LARS1: variants seen among roughly 807,000 people sequenced by gnomAD.
LARS1 encodes leucine--tRNA ligase, cytoplasmic.
Under a neutral mutation model 162.8 loss-of-function variants are expected in LARS1, and 100 were observed. The observed-to-expected ratio is 0.61, with a 90% CI of 0.52 to 0.73. The LOEUF (loss-of-function observed/expected upper bound fraction) is 0.73, where lower values mean the gene tolerates loss of function less well. Ranked by LOEUF, LARS1 falls within the 30% of genes least tolerant of loss-of-function variation. The pLI is 0.00. For synonymous variants in LARS1, 457 were observed against 462.8 expected, an observed-to-expected ratio of 0.99 and a Z score of 0.16; for missense variants, 1,258 against 1,408.9, an observed-to-expected ratio of 0.89 and a Z score of 1.71.
intron 28 of LARS1, among the ~76,000 whole-genome samples, chr5:146,124,541 A>C (rs1347715015): frequency 6.6e-6 from 1 of 151,916 alleles, no homozygotes; most frequent in Non-Finnish European, 1.5e-5. Flanking sequence ...TAATATCCAA[A>C]CAAAAAATCC....
At chr5:146,153,266 CT>C in intron 12 of LARS1, 39 bp from the exon 13 acceptor site, 1 of 1,368,418 alleles carries the variant, frequency 7.3e-7, no homozygotes, top group Non-Finnish European at 1.0e-6. Context: ...ATGATCAACA[CT>C]TTACTGGGAG....
chr5:146,176,426 T>C (rs1053508551), intron 2 of LARS1, among the ~76,000 whole-genome samples: 1 of 132,836 alleles, frequency 7.5e-6, no homozygotes, highest in African/African-American at 2.9e-5. Flanking sequence ...CACTCCAGCC[T>C]GATGACAGAG....
At chr5:146,159,554 CT>C in intron 7 of LARS1, 84 bp from the exon 8 acceptor site, 1 of 975,696 alleles carries the variant, frequency 1.0e-6, no homozygotes, top group Non-Finnish European at 1.6e-6. Flanking sequence ...CACCTAATTT[CT>C]TACATGTCTT....
intron 29 of LARS1, among the ~76,000 whole-genome samples, chr5:146,123,382 C>T (rs1020929477): frequency 4.6e-5 from 7 of 151,696 alleles, no homozygotes; most frequent in East Asian, 1.9e-4. Flanking sequence ...ATGGGGAGAA[C>T]GTCACAGATA....
intron 30 of LARS1, among the ~76,000 whole-genome samples, chr5:146,120,936 A>G (rs886409162): frequency 6.6e-6 from 1 of 152,206 alleles, no homozygotes; most frequent in Admixed American, 6.5e-5. Flanking sequence ...TGGCAAGGTC[A>G]AGATTCAACA....
chr5:146,130,171 AAATTATTTACC>A lies in LARS1; in HGVS notation c.2488-24_2488-14del. 1 of 1,610,960 alleles carries A rather than the reference AAATTATTTACC, an allele frequency of 6.2e-7. No homozygotes were observed. Among genetic ancestry groups the A allele is most frequent in the Non-Finnish European group, 8.5e-7 (1 of 1,178,782 alleles). On this transcript the variant is annotated splice_polypyrimidine_tract_variant and intron_variant, in intron 24 of 31. Coordinates refer to ENST00000394434, the MANE Select transcript of LARS1 (RefSeq NM_020117.11). ...TATCTTTTGCGGCCTATAAAATTTGAAATTATTTACCATTTCCCTCACCTTCTTTAAAATAA... is the reference window on the plus strand; with the variant it reads ...TATCTTTTGCGGCCTATAAAATTTGAATTTCCCTCACCTTCTTTAAAATAA...
chr5:146,130,920 T>C (rs1752247704), intron 24 of LARS1, 99 bp downstream of exon 24: 7 of 581,872 alleles, frequency 1.2e-5, no homozygotes, highest in East Asian at 1.2e-4. Flanking sequence ...GTCTACACTT[T>C]AGGCGAGTAA....
chr5:146,174,590 A>ATATG (rs1491066904), intron 2 of LARS1, among the ~76,000 whole-genome samples: 2 of 1,624 alleles, frequency 1.2e-3, no homozygotes, highest in Non-Finnish European at 5.1e-3. Flanking sequence ...ATATATCCAT[A>ATATG]TATATATATA....
chr5:146,117,900 C>T (rs918712233), intron 31 of LARS1, among the ~76,000 whole-genome samples: 1 of 152,130 alleles, frequency 6.6e-6, no homozygotes, highest in African/African-American at 2.4e-5. Flanking sequence ...GGAAGTAGAA[C>T]AGTGTGGTGC....
rs1754438238 is a variant in LARS1 at position 146,174,506 on chromosome 5, A to ATG, written c.126-1733_126-1732insCA. Among the ~76,000 whole-genome samples, 5 of 28,922 alleles carry ATG rather than the reference A, an allele frequency of 1.7e-4. No individual in the cohort carries two copies. In the South Asian group the frequency reaches 4.0e-3, roughly 23 times the overall value. 19.0% of individuals were successfully genotyped at this position (28,922 alleles called of 152,430 possible). ...TATCCATATATATATATATCCATAT[A>ATG]TATATATATATATCCATATATATAT... is the stretch of plus-strand genomic sequence containing the variant. On this transcript the variant is annotated intron_variant, in intron 2 of 31. Coordinates refer to ENST00000394434, the MANE Select transcript of LARS1 (RefSeq NM_020117.11).
chr5:146,154,726 C>G (rs1283140212), intron 10 of LARS1, among the ~76,000 whole-genome samples: 1 of 152,034 alleles, frequency 6.6e-6, no homozygotes, highest in Non-Finnish European at 1.5e-5. Flanking sequence ...TGTAGTGAGC[C>G]AAGATCGTGC....
At chr5:146,120,203 CCA>C (rs1401618513) in intron 31 of LARS1, 166 bp downstream of exon 31, 6 of 697,898 alleles carry the variant, frequency 8.6e-6, no homozygotes, top group African/African-American at 1.8e-5. Flanking sequence ...AGCTACCTAG[CCA>C]CAGAGTCCCA....
chr5:146,173,369 TA>T (rs1754364023), intron 2 of LARS1, among the ~76,000 whole-genome samples: 1 of 151,800 alleles, frequency 6.6e-6, no homozygotes, highest in African/African-American at 2.4e-5. Context: ...AAAAATTCTT[TA>T]ATACCCTTAT....
chr5:146,139,847 T>A (rs1205480636), intron 21 of LARS1: 1 of 145,658 alleles, frequency 6.9e-6, no homozygotes, highest in South Asian at 1.5e-4. Flanking sequence ...TGCACTCCAG[T>A]GTGGGAGACA....
At chr5:146,143,111 T>TTTTATATA in intron 19 of LARS1, 27 bp from the exon 20 acceptor site, 2 of 1,081,364 alleles carry the variant, frequency 1.8e-6, no homozygotes, top group Non-Finnish European at 2.6e-6. Flanking sequence ...ACAAACTATT[T>TTTTATATA]TATATATATA....
At chr5:146,156,498 A>T (rs569752520) in intron 10 of LARS1, among the ~76,000 whole-genome samples, 1 of 152,254 alleles carries the variant, frequency 6.6e-6, no homozygotes. Context: ...GTTCAAGACC[A>T]GCCTGGCCAA....
intron 8 of LARS1, 138 bp from the exon 9 acceptor site, chr5:146,157,933 C>G (rs907925367): frequency 5.2e-6 from 4 of 769,802 alleles, no homozygotes; most frequent in African/African-American, 3.5e-5. Flanking sequence ...GAAGAGATTG[C>G]CAGTGGTGTG....
chr5:146,170,476 A>AC (rs1754211707), intron 4 of LARS1, among the ~76,000 whole-genome samples: 1 of 151,996 alleles, frequency 6.6e-6, no homozygotes, highest in Non-Finnish European at 1.5e-5. Flanking sequence ...TCTCAAAAAA[A>AC]AAAAAGGGGG....
At chr5:146,149,509 A>G in intron 15 of LARS1, 113 bp downstream of exon 15, 1 of 762,940 alleles carries the variant, frequency 1.3e-6, no homozygotes. Context: ...GCAAAACTGT[A>G]TGATATTTTT....
Sources: gnomAD v4.1 joint callset for allele counts (sites outside exome capture counted in the v4.1 genomes callset) on GRCh38, gnomAD v4.1.1 for gene constraint, MANE v1.5 for transcripts, NCBI Gene and HGNC (gene_info 2026-07-23, HGNC 2026-07-21) for gene names.